PRKAA1: variants seen among roughly 807,000 people sequenced by gnomAD.
The protein encoded by PRKAA1 is protein kinase AMP-activated catalytic subunit alpha 1.
PRKAA1 carries 23 observed loss-of-function variants against 56.9 expected under a neutral mutation model. That is an observed-to-expected ratio of 0.40 (90% CI 0.29 to 0.57). PRKAA1 has a LOEUF of 0.57. PRKAA1 is among the 20% of genes least tolerant of loss of function. The pLI is 0.39. For missense variants in PRKAA1, 413 were observed against 679.7 expected, an observed-to-expected ratio of 0.61 and a Z score of 4.36; for synonymous variants, 226 against 227.0, an observed-to-expected ratio of 1.00 and a Z score of 0.04.
At chr5:40,788,688 G>A (rs574381886) in intron 1 of PRKAA1, among the ~76,000 whole-genome samples, 7 of 152,194 alleles carry the variant, frequency 4.6e-5, no homozygotes, top group South Asian at 2.1e-4. Flanking sequence ...TTAGCTGAGC[G>A]TAGTGGTGCA....
chr5:40,764,331 A>G (rs905716428), intron 8 of PRKAA1, 183 bp downstream of exon 8: 5 of 576,956 alleles, frequency 8.7e-6, no homozygotes, highest in Middle Eastern at 4.9e-4. Context: ...ACAATATGCT[A>G]TAAGATTACA....
intron 8 of PRKAA1, 122 bp from the exon 9 acceptor site, chr5:40,763,144 T>A: frequency 1.1e-6 from 1 of 891,114 alleles, no homozygotes; most frequent in Non-Finnish European, 1.7e-6. Flanking sequence ...ACGCTTATTC[T>A]AAATACCTTC....
chr5:40,765,360 C>T, intron 6 of PRKAA1, 122 bp from the exon 7 acceptor site: 1 of 1,178,666 alleles, frequency 8.5e-7, no homozygotes, highest in Non-Finnish European at 1.1e-6. Flanking sequence ...ATTATTGTCA[C>T]TTTTTGCACT....
intron 6 of PRKAA1, 116 bp from the exon 7 acceptor site, chr5:40,765,354 T>C (rs1743379542): frequency 5.7e-6 from 7 of 1,221,946 alleles, no homozygotes; most frequent in South Asian, 1.8e-5. Context: ...TACTGTATTA[T>C]TGTCACTTTT....
In PRKAA1 at chr5:40,798,153, C is replaced by G; in HGVS notation, c.37G>C (p.Ala13Pro). 1.9e-6 allele frequency: 3 copies of G among 1,591,964 alleles called. No individual in the cohort carries two copies. The highest frequency in any genetic ancestry group is 1.7e-4 in the Middle Eastern group (1 of 5,916). ...RLSSWRKMAT[A>P]EKQKHDGRVK... ...CGCCCGTCGTGTTTCTGCTTCTCGG[C>G]TGTCGCCATCTTTCTCCAGGAACTG... The change falls in exon 1 of 9, where the codon GCC becomes CCC. Residue 13 changes from alanine (A) to proline (P), a missense_variant. Physicochemically the swap from Ala to Pro is conservative, Grantham distance 27. This residue lies in a region of PRKAA1 where 61 missense variants were observed against 73.1 expected (regional missense o/e 0.83). Transcript: ENST00000397128.
At chr5:40,775,350 G>T in intron 3 of PRKAA1, 60 bp downstream of exon 3, 1 of 1,313,374 alleles carries the variant, frequency 7.6e-7, no homozygotes, top group Non-Finnish European at 1.1e-6. Flanking sequence ...ACATTTTGAT[G>T]CTAGTAAAGG....
At chr5:40,789,786 C>G (rs1212037115) in intron 1 of PRKAA1, among the ~76,000 whole-genome samples, 3 of 152,124 alleles carry the variant, frequency 2.0e-5, no homozygotes, top group Non-Finnish European at 4.4e-5. Context: ...TTTAAATGTT[C>G]TCACCACAAA....
chr5:40,789,743 T>C (rs372225397), intron 1 of PRKAA1, among the ~76,000 whole-genome samples: 1 of 152,112 alleles, frequency 6.6e-6, no homozygotes, highest in East Asian at 1.9e-4. Context: ...ACAGTAAATA[T>C]ATTAATTTTT....
intron 2 of PRKAA1, 73 bp downstream of exon 2, chr5:40,777,372 C>T (rs1744058584): frequency 6.8e-7 from 1 of 1,462,276 alleles, no homozygotes; most frequent in Non-Finnish European, 9.3e-7. Flanking sequence ...ATTTTTCTCA[C>T]TTGTCACATT....
intron 1 of PRKAA1, among the ~76,000 whole-genome samples, chr5:40,790,768 G>A (rs1232227306): frequency 6.6e-6 from 1 of 152,136 alleles, no homozygotes; most frequent in Non-Finnish European, 1.5e-5. Flanking sequence ...TCAATATCTT[G>A]AGCTCGTGAT....
At chr5:40,797,783 T>C (rs1003183164) in intron 1 of PRKAA1, among the ~76,000 whole-genome samples, 1 of 152,092 alleles carries the variant, frequency 6.6e-6, no homozygotes, top group Non-Finnish European at 1.5e-5. Flanking sequence ...TGGGAAAGTT[T>C]GCACCTTCGC....
chr5:40,763,935 A>G (rs1743304634), intron 8 of PRKAA1, among the ~76,000 whole-genome samples: 1 of 152,086 alleles, frequency 6.6e-6, no homozygotes, highest in African/African-American at 2.4e-5. Context: ...GTGATACTAT[A>G]TATATATATT....
intron 6 of PRKAA1, among the ~76,000 whole-genome samples, chr5:40,766,328 C>A (rs1262747850): frequency 6.6e-6 from 1 of 152,114 alleles, no homozygotes; most frequent in Admixed American, 6.5e-5. Context: ...TATCTGATTT[C>A]TTTCTTCCTT....
intron 1 of PRKAA1, among the ~76,000 whole-genome samples, chr5:40,787,290 A>G (rs1744530687): frequency 6.6e-6 from 1 of 151,812 alleles, no homozygotes; most frequent in African/African-American, 2.4e-5. Context: ...ACATGGAGAA[A>G]CCCCGTCTCT....
rs200927672 is a variant in PRKAA1 at position 40,777,497 on chromosome 5, G to A, written c.217C>T (p.Arg73Cys). 1.3e-5 allele frequency: 21 copies of A among 1,613,560 alleles called. No homozygotes were observed. The highest frequency in any genetic ancestry group is 6.6e-5 in the South Asian group (6 of 91,072). The change falls in exon 2 of 9, where the codon CGC becomes TGC. Residue 73 changes from arginine (R) to cysteine (C), a missense_variant. Physicochemically the swap from Arg to Cys is radical, Grantham distance 180. Around this residue, in one of 9 missense-constraint regions of PRKAA1, gnomAD observed 16 missense variants for 30.9 expected, o/e 0.52. Transcript: ENST00000397128. ...AGCTTGAGGTTCTGAATTTCTCTGC[G>A]GATTTTTCCTACCACATCAAGGCTC... ...IRSLDVVGKI[R>C]REIQNLKLFR...
chr5:40,793,510 T>C (rs1393979171), intron 1 of PRKAA1, among the ~76,000 whole-genome samples: 2 of 152,250 alleles, frequency 1.3e-5, no homozygotes, highest in Non-Finnish European at 2.9e-5. Flanking sequence ...ACTTAGACTT[T>C]TTCTGCATAT....
chr5:40,796,462 A>G (rs1299337492), intron 1 of PRKAA1, among the ~76,000 whole-genome samples: 1 of 152,120 alleles, frequency 6.6e-6, no homozygotes, highest in Non-Finnish European at 1.5e-5. Context: ...TTTTTTTTAC[A>G]AACACTTGTA....
intron 1 of PRKAA1, among the ~76,000 whole-genome samples, chr5:40,778,875 C>T (rs1202970782): frequency 6.9e-6 from 1 of 145,806 alleles, no homozygotes; most frequent in Admixed American, 7.1e-5. Context: ...CAGCGTTAAC[C>T]TCCCCAGGCT....
At chr5:40,777,611 T>G in intron 1 of PRKAA1, 25 bp from the exon 2 acceptor site, 1 of 1,573,850 alleles carries the variant, frequency 6.4e-7, no homozygotes, top group Non-Finnish European at 8.7e-7. Flanking sequence ...ATTTAATAAA[T>G]TAGTACTAAG....
Sources: allele counts gnomAD v4.1 joint callset (sites outside exome capture counted in the v4.1 genomes callset), GRCh38; gene constraint gnomAD v4.1.1; regional missense constraint gnomAD v4.1.1; transcripts MANE v1.5; gene names NCBI Gene and HGNC (gene_info 2026-07-23, HGNC 2026-07-21).